The following FGF1 variants were observed in gnomAD, a reference collection of about 807,000 sequenced individuals.
The protein encoded by FGF1 is beta-endothelial cell growth factor.
FGF1 carries 9 observed loss-of-function variants against 13.4 expected under a neutral mutation model. The ratio of observed to expected loss-of-function variants is 0.67; its 90% CI spans 0.40 to 1.17. FGF1 has a LOEUF of 1.17. Ranked by LOEUF, FGF1 falls within the 50% of genes most tolerant of loss-of-function variation. The pLI is 0.01. For synonymous variants in FGF1, 93 were observed against 79.0 expected, an observed-to-expected ratio of 1.18 and a Z score of -0.94; for missense variants, 156 against 192.7, an observed-to-expected ratio of 0.81 and a Z score of 1.13.
At chr5:142,694,764 T>C (rs1358173190) in intron 2 of FGF1, among the ~76,000 whole-genome samples, 1 of 152,128 alleles carries the variant, frequency 6.6e-6, no homozygotes, top group Non-Finnish European at 1.5e-5. Flanking sequence ...CTACCCCCGT[T>C]TAATTAAAAA....
rs923410105 is a variant in FGF1 at position 142,595,288 on chromosome 5, C to G, written c.*2G>C. On this transcript the variant is annotated 3_prime_UTR_variant, in exon 4 of 4. Transcript: ENST00000337706. ...AGTGGTCAACACCCAGAACAGATCTCTTTAATCAGAAGAGACTGGCAGGGG... is the reference window on the plus strand; with the variant it reads ...AGTGGTCAACACCCAGAACAGATCTGTTTAATCAGAAGAGACTGGCAGGGG... 6.2e-7 allele frequency: 1 copy of G among 1,613,140 alleles called. No homozygotes were observed. Among genetic ancestry groups the G allele is most frequent in the Non-Finnish European group, 8.5e-7 (1 of 1,179,436 alleles).
intron 1 of FGF1, among the ~76,000 whole-genome samples, chr5:142,651,042 A>G (rs1182133508): frequency 6.6e-6 from 1 of 152,108 alleles, no homozygotes; most frequent in Non-Finnish European, 1.5e-5. Context: ...ACGCAGCTTC[A>G]ATGTCTCCTC....
chr5:142,600,800 G>A lies in FGF1; in HGVS notation c.175C>T (p.Leu59=), dbSNP rs1274274491. Residue 59 remains leucine, a synonymous_variant, in exon 3 of 4, where the codon CTG becomes TTG. Transcript: ENST00000337706. ...TRDRSDQHIQ[L]QLSAESVGEV... is the part of the protein sequence containing the mutation. ...CCCACGCTTTCCGCACTGAGCTGCA[G>A]CTGAACTGGAATAAAAATAACACGA... 1.2e-6 allele frequency: 2 copies of A among 1,608,626 alleles called. No individual in the cohort carries two copies. The highest frequency in any genetic ancestry group is 1.7e-6 in the Non-Finnish European group (2 of 1,176,876).
At chr5:142,652,432 C>G (rs1313753516) in intron 1 of FGF1, among the ~76,000 whole-genome samples, 1 of 152,154 alleles carries the variant, frequency 6.6e-6, no homozygotes, top group African/African-American at 2.4e-5. Context: ...GTGATGGAGG[C>G]TCTGCACTGC....
intron 2 of FGF1, among the ~76,000 whole-genome samples, chr5:142,694,136 T>TATC (rs1752724352): frequency 6.6e-6 from 1 of 151,018 alleles, no homozygotes; most frequent in Admixed American, 6.6e-5. Flanking sequence ...TCTATCTATC[T>TATC]ATGTCTATCT....
intron 2 of FGF1, among the ~76,000 whole-genome samples, chr5:142,609,319 C>T (rs2339244): frequency 0.081 from 12,354 of 152,190 alleles, 852 homozygotes; most frequent in East Asian, 0.18. Flanking sequence ...TAGTCTCTTG[C>T]GTGCTTGGGG....
chr5:142,635,147 C>T (rs879634926), intron 1 of FGF1, among the ~76,000 whole-genome samples: 1 of 152,182 alleles, frequency 6.6e-6, no homozygotes, highest in African/African-American at 2.4e-5. Flanking sequence ...CCCCCTGTGG[C>T]TCTGCACTAA....
chr5:142,693,359 T>G (rs2152071931), intron 2 of FGF1, among the ~76,000 whole-genome samples: 1 of 152,206 alleles, frequency 6.6e-6, no homozygotes, highest in South Asian at 2.1e-4. Context: ...GGAGTGATCT[T>G]GGCTCACTGC....
intron 2 of FGF1, among the ~76,000 whole-genome samples, chr5:142,605,589 G>A (rs1041629397): frequency 1.3e-5 from 2 of 152,130 alleles, no homozygotes; most frequent in Non-Finnish European, 2.9e-5. Context: ...AGAGCCAGAG[G>A]CCTGCTTAGC....
chr5:142,695,412 T>C (rs1218560616), intron 2 of FGF1, among the ~76,000 whole-genome samples: 1 of 151,840 alleles, frequency 6.6e-6, no homozygotes, highest in African/African-American at 2.4e-5. Flanking sequence ...CAAAATCCTG[T>C]CTCTACTAAA....
At chr5:142,620,786 A>C (rs1320890833) in intron 1 of FGF1, among the ~76,000 whole-genome samples, 1 of 152,230 alleles carries the variant, frequency 6.6e-6, no homozygotes, top group African/African-American at 2.4e-5. Context: ...AATGAAGTGA[A>C]CATCATTCTT....
intron 2 of FGF1, among the ~76,000 whole-genome samples, chr5:142,692,101 CA>C (rs1227458535): frequency 6.6e-6 from 1 of 152,158 alleles, no homozygotes. Context: ...GAGGCTGAAG[CA>C]GGCAGATTGC....
intron 1 of FGF1, among the ~76,000 whole-genome samples, chr5:142,657,456 A>T (rs1286667571): frequency 1.3e-5 from 2 of 151,556 alleles, no homozygotes; most frequent in African/African-American, 4.9e-5. Context: ...GCAGTACCCC[A>T]TCTAGCCCAC....
At chr5:142,660,513 C>A (rs927045714) in intron 1 of FGF1, among the ~76,000 whole-genome samples, 1 of 152,204 alleles carries the variant, frequency 6.6e-6, no homozygotes, top group South Asian at 2.1e-4. Flanking sequence ...GCAGGGTCAC[C>A]CCACAATGGC....
chr5:142,654,545 G>T (rs1935895081), intron 1 of FGF1, among the ~76,000 whole-genome samples: 1 of 152,222 alleles, frequency 6.6e-6, no homozygotes, highest in South Asian at 2.1e-4. Flanking sequence ...CCCCTTCGAG[G>T]TTCATCTGAA....
intron 1 of FGF1, among the ~76,000 whole-genome samples, chr5:142,647,132 C>A (rs1016269545): frequency 6.6e-5 from 10 of 152,106 alleles, no homozygotes; most frequent in African/African-American, 2.4e-4. Flanking sequence ...TTTGGCATAT[C>A]GATTATTTTT....
At chr5:142,688,256 G>A (rs977888843), upstream of FGF1, among the ~76,000 whole-genome samples, 1 of 152,184 alleles carries the variant, frequency 6.6e-6, no homozygotes, top group Non-Finnish European at 1.5e-5. Context: ...TCCCGCCAAT[G>A]TGGAAATTTT....
chr5:142,669,148 G>A (rs1419858750), intron 1 of FGF1, among the ~76,000 whole-genome samples: 2 of 152,244 alleles, frequency 1.3e-5, no homozygotes, highest in Admixed American at 1.3e-4. Flanking sequence ...CTTGAATGAT[G>A]CTGTTCCAAA....
At chr5:142,670,020 A>G (rs1771154330) in intron 1 of FGF1, among the ~76,000 whole-genome samples, 1 of 152,206 alleles carries the variant, frequency 6.6e-6, no homozygotes, top group Admixed American at 6.5e-5. Context: ...GAGGTTAACC[A>G]GAGTGGAAAG....
Sources: gnomAD v4.1 joint callset for allele counts (sites outside exome capture counted in the v4.1 genomes callset) on GRCh38, gnomAD v4.1.1 for gene constraint, MANE v1.5 for transcripts, NCBI Gene and HGNC (gene_info 2026-07-23, HGNC 2026-07-21) for gene names.